Variants in SLC36A1 observed in about 807,000 individuals in gnomAD.
The protein encoded by SLC36A1 is proton-coupled amino acid transporter 1.
SLC36A1 carries 30 observed loss-of-function variants against 47.5 expected under a neutral mutation model. The observed-to-expected ratio is 0.63, with a 90% CI of 0.47 to 0.86. The LOEUF (loss-of-function observed/expected upper bound fraction) is 0.86, where lower values mean the gene tolerates loss of function less well. SLC36A1 is among the 40% of genes least tolerant of loss of function. SLC36A1 has a pLI of 0.00. For synonymous variants in SLC36A1, 255 were observed against 249.7 expected (o/e 1.02, Z -0.20); for missense variants, 517 against 606.0 (o/e 0.85, Z 1.54).
chr5:151,528,202 C>T, the SLC36A1 span: 1 of 1,570,030 alleles, frequency 6.4e-7, no homozygotes, highest in Non-Finnish European at 8.7e-7. Flanking sequence ...CAGGGGGAAA[C>T]AGATATGTCC....
the SLC36A1 span, among the ~76,000 whole-genome samples, chr5:151,538,480 G>A: frequency 6.6e-6 from 1 of 152,116 alleles, no homozygotes; most frequent in Non-Finnish European, 1.5e-5. Context: ...CCCATCGCTT[G>A]GCCCACCCTC....
the SLC36A1 span, among the ~76,000 whole-genome samples, chr5:151,405,335 CTCTT>C: frequency 2.8e-4 from 41 of 144,104 alleles, 1 homozygote; most frequent in African/African-American, 1.0e-3. Context: ...GTCTCTCCCT[CTCTT>C]TCTCTTTTTT....
chr5:151,515,695 A>G, the SLC36A1 span, among the ~76,000 whole-genome samples: 1 of 152,138 alleles, frequency 6.6e-6, no homozygotes, highest in South Asian at 2.1e-4. Context: ...TCTTTGTAGA[A>G]TCTATCTTCT....
chr5:151,409,985 A>C, the SLC36A1 span, among the ~76,000 whole-genome samples: 25,522 of 152,232 alleles, frequency 0.17, 2,377 homozygotes, highest in East Asian at 0.38. Context: ...ACTATATACC[A>C]GGCAGAATCC....
chr5:151,430,401 G>T, the SLC36A1 span, among the ~76,000 whole-genome samples: 3 of 149,480 alleles, frequency 2.0e-5, no homozygotes, highest in South Asian at 6.4e-4. Context: ...TCGGCTGACT[G>T]CAACCTCCGC....
rs1383273942 is a variant in SLC36A1, at chr5:151,458,825, C to A, written c.33C>A (p.Tyr11Ter). 15 of 1,614,086 alleles carry A rather than the reference C, an allele frequency of 9.3e-6. No homozygotes were observed. Among genetic ancestry groups the A allele is most frequent in the African/African-American group, 1.3e-5 (1 of 75,034 alleles). Reference protein sequence around the residue: MSTQRLRNEDYHDYSSTDVSP... With the variant: MSTQRLRNED ...CGCAGAGACTTCGGAATGAAGACTA[C>A]CACGACTACAGCTCCACGGACGTGA... is the stretch of plus-strand genomic sequence containing the variant. The change falls in exon 2 of 11, where the codon TAC (tyrosine) becomes TAA (stop). Residue 11 changes from tyrosine to a stop codon, truncating the protein, a stop_gained. Transcript: ENST00000243389. LOFTEE classifies it high-confidence loss of function.
the SLC36A1 span, chr5:151,544,015 T>C: frequency 6.2e-7 from 1 of 1,614,198 alleles, no homozygotes. Context: ...GTCATTGATA[T>C]CAGACACATT....
rs1006179271 is a variant in SLC36A1, at chr5:151,486,252, C to T, written c.1160-1731C>T. On this transcript the variant is annotated intron_variant, in intron 10 of 10. Coordinates refer to ENST00000243389, the MANE Select transcript of SLC36A1 (RefSeq NM_078483.4). ...TACCAGGCTCTTTTAAACAACAGCT[C>T]TCTCAGGGAGGGCCCCAAGTCATTC... 2.6e-5 allele frequency among the ~76,000 whole-genome samples: 4 copies of T among 152,212 alleles called. No individual in the cohort carries two copies. The South Asian group carries it at 8.3e-4, about 32-fold the overall frequency.
the SLC36A1 span, chr5:151,554,368 G>A: frequency 1.2e-6 from 2 of 1,613,514 alleles, no homozygotes; most frequent in South Asian, 1.1e-5. Flanking sequence ...TCACCGTTAG[G>A]ATGTTGTACT....
At chr5:151,457,610 T>A (rs997030338) in intron 1 of SLC36A1, among the ~76,000 whole-genome samples, 1 of 152,116 alleles carries the variant, frequency 6.6e-6, no homozygotes, top group African/African-American at 2.4e-5. Flanking sequence ...CACCTTTCAG[T>A]TTCCTGGTCC....
In SLC36A1 at chr5:151,479,359, C is replaced by A. The variant is rs368039808; in HGVS notation, c.1029C>A (p.Ile343=). 15 of 1,614,106 alleles carry A rather than the reference C, an allele frequency of 9.3e-6. No individual in the cohort carries two copies. The highest frequency in any genetic ancestry group is 1.3e-5 in the African/African-American group (1 of 74,918). Residue 343 remains isoleucine, a synonymous_variant, in exon 10 of 11, where the codon ATC becomes ATA. Transcript: ENST00000243389. ...TTAAGCTGCTGTACTCCATCGGGATCTTTTTCACCTACGCACTCCAGTTCT... is the reference window on the plus strand; with the variant it reads ...TTAAGCTGCTGTACTCCATCGGGATATTTTTCACCTACGCACTCCAGTTCT... ...QSVKLLYSIG[I]FFTYALQFYV...
In SLC36A1 at chr5:151,488,115, C is replaced by G. The variant is rs1326946833; in HGVS notation, c.1292C>G (p.Pro431Arg). 6.2e-7 allele frequency: 1 copy of G among 1,614,178 alleles called. No homozygotes were observed. The highest frequency in any genetic ancestry group is 1.1e-5 in the South Asian group (1 of 91,084). Residue 431 changes from proline (P) to arginine (R), a missense_variant, in exon 11 of 11, where the codon CCC becomes CGC. Transcript: ENST00000243389. Reference protein sequence around the residue: ...VTTFYSEGMSPLTIFKDALIS... With the variant: ...VTTFYSEGMSRLTIFKDALIS... ...ACCTTCTACTCAGAGGGCATGAGCC[C>G]CCTCACCATCTTTAAGGACGCCCTG...
At chr5:151,479,655 G>T in intron 10 of SLC36A1, 166 bp downstream of exon 10, 1 of 658,244 alleles carries the variant, frequency 1.5e-6, no homozygotes, top group Non-Finnish European at 2.6e-6. Context: ...TCCAGATGGG[G>T]AAGTGAATTA....
chr5:151,505,149 A>AACCT, the SLC36A1 span: 1 of 278,454 alleles, frequency 3.6e-6, no homozygotes, highest in Non-Finnish European at 6.9e-6. Flanking sequence ...GTCAGGCACC[A>AACCT]ACCTGCCTGC....
the SLC36A1 span, among the ~76,000 whole-genome samples, chr5:151,430,826 G>A: frequency 1.3e-5 from 2 of 152,114 alleles, no homozygotes; most frequent in Non-Finnish European, 2.9e-5. Flanking sequence ...TTTCTCCAAG[G>A]ACTAGATCAG....
the SLC36A1 span, among the ~76,000 whole-genome samples, chr5:151,374,626 G>GT: frequency 1.8e-4 from 28 of 152,044 alleles, no homozygotes; most frequent in African/African-American, 6.5e-4. Context: ...TCTATTTTTA[G>GT]TTTTTTTGAG....
intron 10 of SLC36A1, among the ~76,000 whole-genome samples, chr5:151,481,551 A>G (rs1016372507): frequency 1.3e-5 from 2 of 151,694 alleles, no homozygotes; most frequent in Non-Finnish European, 2.9e-5. Context: ...TTCTTTTATT[A>G]CTATTTCTGG....
chr5:151,493,482 C>CT (rs1760250780), downstream of SLC36A1, among the ~76,000 whole-genome samples: 1 of 152,160 alleles, frequency 6.6e-6, no homozygotes, highest in Non-Finnish European at 1.5e-5. Context: ...TCCCATGACT[C>CT]TGTTTTGGGG....
At chr5:151,397,865 T>C in the SLC36A1 span, among the ~76,000 whole-genome samples, 1 of 150,480 alleles carries the variant, frequency 6.6e-6, no homozygotes, top group Non-Finnish European at 1.5e-5. Context: ...GTCTATAATC[T>C]CAGTGCTTTG....
Sources: gnomAD v4.1 joint callset for allele counts (sites outside exome capture counted in the v4.1 genomes callset) on GRCh38, gnomAD v4.1.1 for gene constraint, MANE v1.5 for transcripts, NCBI Gene and HGNC (gene_info 2026-07-23, HGNC 2026-07-21) for gene names.